Variants in DNAH17 observed in about 807,000 individuals in gnomAD.
DNAH17 encodes the protein dynein axonemal heavy chain 17.
A neutral mutation model predicts 485.6 loss-of-function variants in DNAH17; 376 were observed. That is an observed-to-expected ratio of 0.77 (90% CI 0.71 to 0.84). DNAH17 has a LOEUF of 0.84. Among genes scored for constraint, DNAH17 ranks in the 40% least tolerant of loss-of-function variants. The pLI is 0.00. For synonymous variants in DNAH17, 3,031 were observed against 2,405.9 expected (o/e 1.26, Z -7.60); for missense variants, 6,370 against 5,839.3 (o/e 1.09, Z -2.96).
chr17:78,424,163 C>G lies in DNAH17; in HGVS notation c.13142-10G>C, dbSNP rs1481556858. 11 of 1,604,240 alleles carry G rather than the reference C, an allele frequency of 6.9e-6. No individual in the cohort carries two copies. The highest frequency in any genetic ancestry group is 8.5e-6 in the Non-Finnish European group (10 of 1,175,656). On this transcript the variant is annotated splice_polypyrimidine_tract_variant and intron_variant, in intron 80 of 80. Coordinates refer to ENST00000389840, the MANE Select transcript of DNAH17 (RefSeq NM_173628.4). ...GTGTCCCAGCGAGCCCCTGCAGGGA[C>G]AGTATGGCTGAGGGTCAGGTGTGCT...
Position 78,494,762 on chromosome 17 carries a change from A to T in DNAH17, c.6101T>A (p.Leu2034Gln), listed in dbSNP as rs763929238. The T allele has an allele frequency of 2.4e-5, 38 of 1,613,506 alleles. No homozygotes were observed. The highest frequency in any genetic ancestry group is 3.0e-5 in the Non-Finnish European group (35 of 1,179,800). ...IKSVLVVAGS[L>Q]KRGDPSRAED... ...TGCCCGGCTGGGGTCGCCCCTCTTC[A>T]GGGAGCCGGCCACCACCAGCACAGA... The change falls in exon 40 of 81, where the codon CTG becomes CAG. Residue 2034 changes from leucine (L) to glutamine (Q), a missense_variant. Coordinates refer to ENST00000389840, the MANE Select transcript of DNAH17 (RefSeq NM_173628.4).
rs1313040777 is a variant in DNAH17 at position 78,475,649 on chromosome 17, A to G, written c.8319+20T>C. 1.2e-6 allele frequency: 2 copies of G among 1,612,482 alleles called. No individual in the cohort carries two copies. The highest frequency in any genetic ancestry group is 4.5e-5 in the East Asian group (2 of 44,844). The stretch of plus-strand genomic sequence containing the variant: ...CCGGTCCAGGTCCCGTGCCCTTGCT[A>G]TCAGCTCCAGCCTGCTCACCAAATT... On this transcript the variant is annotated intron_variant, in intron 53 of 80. Transcript: ENST00000389840.
chr17:78,520,278 T>C (rs920693717), intron 25 of DNAH17, among the ~76,000 whole-genome samples: 3 of 152,208 alleles, frequency 2.0e-5, no homozygotes, highest in African/African-American at 7.2e-5. Context: ...ATATACATAA[T>C]GGCAAAGTGG....
At chr17:78,478,686 CAATT>C (rs943722969) in intron 51 of DNAH17, among the ~76,000 whole-genome samples, 3 of 145,082 alleles carry the variant, frequency 2.1e-5, no homozygotes, top group African/African-American at 8.4e-5. Flanking sequence ...ACCATCATCA[CAATT>C]ATTACCATCA....
intron 9 of DNAH17, 49 bp from the exon 10 acceptor site, chr17:78,567,215 CG>C: frequency 6.5e-7 from 1 of 1,550,282 alleles, no homozygotes; most frequent in Non-Finnish European, 8.7e-7. Flanking sequence ...ACCCAACTCA[CG>C]GGTCCAGTTA....
At chr17:78,509,568 A>G (rs1477193905) in intron 27 of DNAH17, among the ~76,000 whole-genome samples, 3 of 152,210 alleles carry the variant, frequency 2.0e-5, no homozygotes, top group African/African-American at 7.2e-5. Context: ...AAAATGTGAC[A>G]ATTCAAACTC....
At chr17:78,550,722 T>G (rs1440931687) in intron 16 of DNAH17, among the ~76,000 whole-genome samples, 1 of 152,140 alleles carries the variant, frequency 6.6e-6, no homozygotes. Flanking sequence ...TGTGGCAGTT[T>G]GTGATGGCCG....
chr17:78,524,912 T>C, intron 25 of DNAH17, 97 bp downstream of exon 25: 1 of 1,490,088 alleles, frequency 6.7e-7, no homozygotes, highest in Non-Finnish European at 9.0e-7. Flanking sequence ...TGTCACATTC[T>C]TACAACCAAA....
intron 54 of DNAH17, among the ~76,000 whole-genome samples, chr17:78,471,227 G>A (rs2088735096): frequency 6.6e-6 from 1 of 152,182 alleles, no homozygotes; most frequent in African/African-American, 2.4e-5. Context: ...ACCTCACCAG[G>A]CCTCCTCTTT....
intron 44 of DNAH17, chr17:78,489,294 A>G (rs140249963): frequency 2.6e-5 from 4 of 152,428 alleles, no homozygotes; most frequent in African/African-American, 9.6e-5. Context: ...ATGCACCTGA[A>G]AACAGCCATG....
intron 37 of DNAH17, among the ~76,000 whole-genome samples, chr17:78,498,529 C>G (rs2090157415): frequency 6.6e-6 from 1 of 152,200 alleles, no homozygotes; most frequent in Non-Finnish European, 1.5e-5. Flanking sequence ...AGGCTGCTCC[C>G]CAATCCGAAG....
intron 16 of DNAH17, among the ~76,000 whole-genome samples, chr17:78,549,266 AAG>A (rs1359672596): frequency 2.0e-5 from 3 of 151,866 alleles, no homozygotes; most frequent in East Asian, 1.9e-4. Context: ...TAAGCAGAGA[AAG>A]AGACACCAGA....
rs1325450891 is a variant in DNAH17 at position 78,423,737 on chromosome 17, CACCAACCTCCACCCT to C, written c.*154_*168del. On this transcript the variant is annotated 3_prime_UTR_variant, in exon 81 of 81. Coordinates refer to ENST00000389840, the MANE Select transcript of DNAH17 (RefSeq NM_173628.4). Reference sequence around the variant, plus strand: ...GCTTTAATCTGCCCCACCTCTTCCACACCAACCTCCACCCTCTGGTTCCGATGTGCTTGGTTACAA... The same window carrying C: ...GCTTTAATCTGCCCCACCTCTTCCACCTGGTTCCGATGTGCTTGGTTACAA... 1.1e-6 allele frequency: 1 copy of C among 877,410 alleles called. No homozygotes were observed. The highest frequency in any genetic ancestry group is 2.5e-5 in the East Asian group (1 of 39,748). The allele number at this position is 877,410 out of a possible 1,614,324, so 54.4% of individuals were successfully genotyped here.
chr17:78,569,782 C>T (rs34066190), intron 7 of DNAH17, among the ~76,000 whole-genome samples: 4,015 of 152,262 alleles, frequency 0.026, 94 homozygotes, highest in Middle Eastern at 0.044. Context: ...GACAGGGGAC[C>T]CCGGTGCCCT....
chr17:78,491,326 C>T lies in DNAH17; in HGVS notation c.6669+117G>A, dbSNP rs148598041. The T allele has an allele frequency of 1.2e-3, 1,690 of 1,417,374 alleles. 11 individuals are homozygous for T. The African/African-American group carries it at 0.021, about 17-fold the overall frequency. The allele number at this position is 1,417,374 out of a possible 1,614,324, so 87.8% of individuals were successfully genotyped here. ...ATAGCTTCCTGTGGAGATCCAGACA[C>T]GCCACCTGCGCCAAGCCTGGCATGC... On this transcript the variant is annotated intron_variant, in intron 43 of 80. Transcript: ENST00000389840.
intron 16 of DNAH17, among the ~76,000 whole-genome samples, chr17:78,549,411 G>C (rs1291381382): frequency 6.6e-6 from 1 of 152,176 alleles, no homozygotes; most frequent in Non-Finnish European, 1.5e-5. Context: ...GTGGGCCCAA[G>C]TGTTTGCCTT....
chr17:78,572,692 C>T lies in DNAH17; in HGVS notation c.539+9G>A. 1 of 1,594,350 alleles carries T rather than the reference C, an allele frequency of 6.3e-7. No homozygotes were observed. Among genetic ancestry groups the T allele is most frequent in the Non-Finnish European group, 8.5e-7 (1 of 1,170,962 alleles). On this transcript the variant is annotated intron_variant, in intron 3 of 80. Coordinates refer to ENST00000389840, the MANE Select transcript of DNAH17 (RefSeq NM_173628.4). ...CCAGCGGCAGCCGGAAGCAGCTGGG[C>T]CCACACACCTCTCCATGGACTCCAG...
At chr17:78,533,047 G>T in intron 19 of DNAH17, 1 of 252,646 alleles carries the variant, frequency 4.0e-6, no homozygotes, top group Non-Finnish European at 7.6e-6. Context: ...ACGTGCCACT[G>T]TGCCTGGCCC....
At chr17:78,518,650 T>C (rs2090851851) in intron 25 of DNAH17, among the ~76,000 whole-genome samples, 1 of 152,168 alleles carries the variant, frequency 6.6e-6, no homozygotes. Context: ...ACTGACAGGA[T>C]CTAATTGACA....
Sources: gnomAD v4.1 joint callset for allele counts (sites outside exome capture counted in the v4.1 genomes callset) on GRCh38, gnomAD v4.1.1 for gene constraint, MANE v1.5 for transcripts, NCBI Gene and HGNC (gene_info 2026-07-23, HGNC 2026-07-21) for gene names.